BLNK: variants seen among roughly 807,000 people sequenced by gnomAD.
BLNK encodes the protein B-cell linker protein.
In BLNK, 29 loss-of-function variants were observed where a neutral mutation model predicts 73.5. That is an observed-to-expected ratio of 0.39 (90% CI 0.29 to 0.54). BLNK has a LOEUF of 0.54. Ranked by LOEUF, BLNK falls within the 20% of genes least tolerant of loss-of-function variation. The pLI, the probability that BLNK is intolerant of heterozygous loss-of-function variation, is 0.61. For missense variants in BLNK, 460 were observed against 562.8 expected (o/e 0.82, Z 1.85); for synonymous variants, 176 against 200.8 (o/e 0.88, Z 1.04).
At chr10:96,249,531 T>G (rs1219814827) in intron 1 of BLNK, among the ~76,000 whole-genome samples, 3 of 152,192 alleles carry the variant, frequency 2.0e-5, no homozygotes, top group Non-Finnish European at 4.4e-5. Context: ...GGAGTGAAAT[T>G]TACAGGATAG....
rs1376129614 is a variant in BLNK, at chr10:96,242,795, C to A, written c.114-11G>T. 1.2e-6 allele frequency: 2 copies of A among 1,612,574 alleles called. No homozygotes were observed. Among genetic ancestry groups the A allele is most frequent in the South Asian group, 1.1e-5 (1 of 91,064 alleles). On this transcript the variant is annotated splice_polypyrimidine_tract_variant and intron_variant, in intron 2 of 16. Coordinates refer to ENST00000224337, the MANE Select transcript of BLNK (RefSeq NM_013314.4). Reference sequence around the variant, plus strand: ...GCTTTGACTTTTAGCCTGGAAATAACAACCATGAGACAAAAGGTCAGTGAG... The same window carrying A: ...GCTTTGACTTTTAGCCTGGAAATAAAAACCATGAGACAAAAGGTCAGTGAG...
chr10:96,250,174 G>C (rs1285845769), intron 1 of BLNK, among the ~76,000 whole-genome samples: 1 of 152,242 alleles, frequency 6.6e-6, no homozygotes, highest in Middle Eastern at 3.4e-3. Flanking sequence ...CACATATTAT[G>C]GGCTCAGTAG....
At chr10:96,232,747 G>T (rs1842549653) in intron 3 of BLNK, among the ~76,000 whole-genome samples, 3 of 152,124 alleles carry the variant, frequency 2.0e-5, no homozygotes, top group Admixed American at 6.5e-5. Flanking sequence ...AGAAGATTGG[G>T]TGAATAAATC....
chr10:96,247,491 A>G (rs117567726), intron 1 of BLNK, among the ~76,000 whole-genome samples: 4,210 of 152,312 alleles, frequency 0.028, 85 homozygotes, highest in Non-Finnish European at 0.042. Flanking sequence ...CATAAAGAAA[A>G]TGACTATTAA....
At chr10:96,230,662 T>G in intron 4 of BLNK, 132 bp downstream of exon 4, 1 of 1,043,328 alleles carries the variant, frequency 9.6e-7, no homozygotes. Context: ...ATGCCTTGCC[T>G]GTAGGTGACC....
intron 16 of BLNK, among the ~76,000 whole-genome samples, chr10:96,195,318 C>T (rs1281499033): frequency 9.9e-5 from 15 of 152,050 alleles, no homozygotes; most frequent in Admixed American, 9.2e-4. Context: ...GGGTATATAC[C>T]CCCAAATAAT....
intron 5 of BLNK, 134 bp downstream of exon 5, chr10:96,227,276 G>T: frequency 8.5e-7 from 1 of 1,170,060 alleles, no homozygotes; most frequent in Non-Finnish European, 1.2e-6. Flanking sequence ...TCCCCTGCTT[G>T]GAGGTGGCGG....
In BLNK at chr10:96,227,581, G is replaced by GCAGA; in HGVS notation, c.205-19_205-16dup. 6.2e-7 allele frequency: 1 copy of GCAGA among 1,613,782 alleles called. No homozygotes were observed. The highest frequency in any genetic ancestry group is 8.5e-7 in the Non-Finnish European group (1 of 1,180,042). On this transcript the variant is annotated splice_polypyrimidine_tract_variant and intron_variant, in intron 4 of 16. Transcript: ENST00000224337. ...TAGTCGCTGTCCTGCAAGTGCAGAT[G>GCAGA]CAGACACTGTGCTCAGCATCCCCGT...
intron 1 of BLNK, among the ~76,000 whole-genome samples, chr10:96,260,014 G>C (rs1483690843): frequency 2.0e-5 from 3 of 152,064 alleles, no homozygotes; most frequent in African/African-American, 7.2e-5. Flanking sequence ...TCCCCTCTCT[G>C]ACTTTAGGGG....
At chr10:96,212,097 C>T (rs2083961624) in intron 8 of BLNK, among the ~76,000 whole-genome samples, 2 of 152,166 alleles carry the variant, frequency 1.3e-5, no homozygotes, top group Non-Finnish European at 2.9e-5. Flanking sequence ...CCAAAACCTT[C>T]CTTTTCCTTT....
chr10:96,228,565 T>A (rs1419831313), intron 4 of BLNK, among the ~76,000 whole-genome samples: 1 of 152,154 alleles, frequency 6.6e-6, no homozygotes, highest in Non-Finnish European at 1.5e-5. Context: ...CCTGTTTTTT[T>A]AAAATCCACA....
rs371617732 is a variant in BLNK, at chr10:96,197,028, A to C, written c.1131T>G (p.His377Gln). The C allele has an allele frequency of 1.2e-6, 2 of 1,613,210 alleles. No individual in the cohort carries two copies. Among genetic ancestry groups the C allele is most frequent in the South Asian group, 2.2e-5 (2 of 90,958 alleles). The change falls in exon 16 of 17, where the codon CAT becomes CAG. Residue 377 changes from histidine (H) to glutamine (Q), a missense_variant. By Grantham distance (24) the His-to-Gln change is conservative. This residue lies in a region of BLNK where 88 missense variants were observed against 143.4 expected (regional missense o/e 0.61). Coordinates refer to ENST00000224337, the MANE Select transcript of BLNK (RefSeq NM_013314.4). ...GSFLIRKSSGHDSKQPYTLVV... is the reference protein window; with the variant it reads ...GSFLIRKSSGQDSKQPYTLVV... Reference sequence around the variant, plus strand: ...CTAGTGTATATGGTTGTTTGGAATCATGGCCAGAGCTTTTCCGAATAAGAA... The same window carrying C: ...CTAGTGTATATGGTTGTTTGGAATCCTGGCCAGAGCTTTTCCGAATAAGAA...
intron 6 of BLNK, among the ~76,000 whole-genome samples, chr10:96,220,943 G>A (rs1348410443): frequency 4.6e-5 from 7 of 152,098 alleles, no homozygotes; most frequent in African/African-American, 1.4e-4. Flanking sequence ...CTTTCCCATC[G>A]GCTCATACCC....
At chr10:96,216,921 T>A (rs1433452307) in intron 6 of BLNK, among the ~76,000 whole-genome samples, 187 bp from the exon 7 acceptor site, 1 of 152,174 alleles carries the variant, frequency 6.6e-6, no homozygotes, top group Non-Finnish European at 1.5e-5. Context: ...CACCACAATC[T>A]AATTTTAGGA....
chr10:96,215,170 C>A, intron 8 of BLNK, 151 bp downstream of exon 8: 3 of 867,638 alleles, frequency 3.5e-6, no homozygotes, highest in Admixed American at 2.0e-5. Flanking sequence ...CTTCCACACA[C>A]GTGCCACCAG....
chr10:96,249,191 G>A (rs979517642), intron 1 of BLNK, among the ~76,000 whole-genome samples: 3 of 152,222 alleles, frequency 2.0e-5, no homozygotes, highest in Non-Finnish European at 4.4e-5. Flanking sequence ...AATCCTGAAA[G>A]CAGATTTCTC....
chr10:96,256,382 C>T (rs1843511002), intron 1 of BLNK, among the ~76,000 whole-genome samples: 1 of 152,096 alleles, frequency 6.6e-6, no homozygotes, highest in African/African-American at 2.4e-5. Flanking sequence ...AATTTAAATA[C>T]ATTTAAATGC....
intron 10 of BLNK, 137 bp downstream of exon 10, chr10:96,207,735 G>A: frequency 9.8e-7 from 1 of 1,023,266 alleles, no homozygotes; most frequent in Non-Finnish European, 1.5e-6. Flanking sequence ...AGCTTCTCTT[G>A]GACTGCTTGG....
At chr10:96,249,091 C>T (rs1278811483) in intron 1 of BLNK, among the ~76,000 whole-genome samples, 1 of 152,196 alleles carries the variant, frequency 6.6e-6, no homozygotes, top group East Asian at 1.9e-4. Flanking sequence ...GTAAATGCTT[C>T]CTTTGTTCTG....
Sources: gnomAD v4.1 joint callset for allele counts (sites outside exome capture counted in the v4.1 genomes callset) on GRCh38, gnomAD v4.1.1 for gene constraint, gnomAD v4.1.1 regional missense constraint, MANE v1.5 for transcripts, NCBI Gene and HGNC (gene_info 2026-07-23, HGNC 2026-07-21) for gene names.